Variants in CYTH3 observed in about 807,000 individuals in gnomAD.
The protein encoded by CYTH3 is cytohesin 3.
A neutral mutation model predicts 55.1 loss-of-function variants in CYTH3; 23 were observed. The observed-to-expected ratio is 0.42, with a 90% CI of 0.30 to 0.59. CYTH3 has a LOEUF of 0.59. CYTH3 is among the 20% of genes least tolerant of loss of function. CYTH3 has a pLI of 0.20. For missense variants in CYTH3, 413 were observed against 524.8 expected (o/e 0.79, Z 2.08); for synonymous variants, 249 against 194.9 (o/e 1.28, Z -2.31).
chr7:6,216,557 C>A (rs1023651651), intron 1 of CYTH3, among the ~76,000 whole-genome samples: 1 of 151,458 alleles, frequency 6.6e-6, no homozygotes, highest in Non-Finnish European at 1.5e-5. Flanking sequence ...TTGTCAACAC[C>A]GCAAGACCCC....
intron 1 of CYTH3, among the ~76,000 whole-genome samples, chr7:6,261,586 T>G (rs966424533): frequency 1.3e-4 from 20 of 149,918 alleles, no homozygotes; most frequent in African/African-American, 4.9e-4. Context: ...CATGGTGGCA[T>G]GTGCCTGTAG....
At chr7:6,200,874 G>C (rs1011371713) in intron 1 of CYTH3, among the ~76,000 whole-genome samples, 2 of 152,194 alleles carry the variant, frequency 1.3e-5, no homozygotes, top group African/African-American at 2.4e-5. Flanking sequence ...TCCCGCCTCA[G>C]CCTCCTGAAT....
intron 1 of CYTH3, among the ~76,000 whole-genome samples, chr7:6,215,823 T>G (rs1010077943): frequency 6.6e-6 from 1 of 152,086 alleles, no homozygotes; most frequent in Non-Finnish European, 1.5e-5. Flanking sequence ...ACCTTACCTA[T>G]AGAGGAGAAA....
chr7:6,171,700 T>C lies in CYTH3; in HGVS notation c.450-386A>G. 1 of 250,584 alleles carries C rather than the reference T, an allele frequency of 4.0e-6. No homozygotes were observed. Among genetic ancestry groups the C allele is most frequent in the Non-Finnish European group, 8.2e-6 (1 of 122,430 alleles). The allele number at this position is 250,584 out of a possible 1,614,324, so 15.5% of individuals were successfully genotyped here. A position where few individuals can be genotyped will look rare whatever the true frequency, so the allele number is the denominator to read the frequency against. On this transcript the variant is annotated intron_variant, in intron 6 of 12. Coordinates refer to ENST00000350796, the MANE Select transcript of CYTH3 (RefSeq NM_004227.4). This position sits in a 1 kb window ranked among gnomAD's most constrained non-coding sequence, Gnocchi z 6.7. ...CACCAGCCGGTCCTCCTTTCAGAAC[T>C]CCCACACATAAGGCAGAGCCATAGC...
chr7:6,272,409 C>CGGGGGGGGGGCGCCG, intron 1 of CYTH3, 65 bp downstream of exon 1: 1 of 1,212,390 alleles, frequency 8.2e-7, no homozygotes, highest in Non-Finnish European at 1.1e-6. Flanking sequence ...GCCGCGCCCT[C>CGGGGGGGGGGCGCCG]GACCCCCAGC....
intron 1 of CYTH3, among the ~76,000 whole-genome samples, chr7:6,233,957 C>T (rs987334375): frequency 2.0e-5 from 3 of 152,154 alleles, no homozygotes; most frequent in African/African-American, 4.8e-5. Context: ...GGCAAGGCAG[C>T]TGTCTGAGGC....
intron 5 of CYTH3, among the ~76,000 whole-genome samples, chr7:6,174,358 G>A (rs947946433): frequency 8.7e-5 from 13 of 150,222 alleles, no homozygotes; most frequent in African/African-American, 2.0e-4. Context: ...CAGGTGATCC[G>A]CCCACCTCAG....
chr7:6,191,459 T>C (rs1049018539), intron 1 of CYTH3, among the ~76,000 whole-genome samples: 4 of 152,186 alleles, frequency 2.6e-5, no homozygotes, highest in African/African-American at 9.6e-5. Context: ...AAGCAGATTG[T>C]ATGTTATCAA....
At chr7:6,251,337 T>C (rs192316416) in intron 1 of CYTH3, among the ~76,000 whole-genome samples, 25 of 151,894 alleles carry the variant, frequency 1.6e-4, no homozygotes, top group African/African-American at 6.0e-4. Flanking sequence ...TCTTTTTTTT[T>C]TTTTTCTTTA....
intron 4 of CYTH3, among the ~76,000 whole-genome samples, chr7:6,182,246 C>T (rs982379345): frequency 1.3e-5 from 2 of 152,178 alleles, no homozygotes; most frequent in African/African-American, 2.4e-5. Context: ...GATGGGGTTT[C>T]ACCATGTTAG....
intron 1 of CYTH3, among the ~76,000 whole-genome samples, chr7:6,264,894 C>T (rs559171034): frequency 3.3e-5 from 5 of 152,224 alleles, no homozygotes; most frequent in East Asian, 1.9e-4. Context: ...ATAGGTAAGG[C>T]GTGACATGTG....
In CYTH3 at chr7:6,170,504, A is replaced by G. The variant is rs377052211; in HGVS notation, c.823+31T>C. 33 of 1,602,064 alleles carry G rather than the reference A, an allele frequency of 2.1e-5. No individual in the cohort carries two copies. The African/African-American group carries it at 4.0e-4, about 19-fold the overall frequency. ...GGCTGCTGCCATGGGCAGAGGGGTC[A>G]CGCCCGGGTCCCGCTGGGCCGGCGG... On this transcript the variant is annotated intron_variant, in intron 9 of 12. Coordinates refer to ENST00000350796, the MANE Select transcript of CYTH3 (RefSeq NM_004227.4). The surrounding 1 kb of genome is among the most constrained non-coding windows in gnomAD (Gnocchi z 7.8).
intron 1 of CYTH3, 64 bp downstream of exon 1, chr7:6,272,410 G>GGGGGGGGGGGCCCCCCCCCCCCCCCC: frequency 8.2e-7 from 1 of 1,216,616 alleles, no homozygotes; most frequent in Non-Finnish European, 1.1e-6. Context: ...CCGCGCCCTC[G>GGGGGGGGGGGCCCCCCCCCCCCCCCC]ACCCCCAGCC....
intron 1 of CYTH3, among the ~76,000 whole-genome samples, chr7:6,259,374 T>C (rs1780218891): frequency 6.6e-6 from 1 of 152,202 alleles, no homozygotes; most frequent in Non-Finnish European, 1.5e-5. Context: ...TTCTCTCCTA[T>C]TTGAACAGTG....
At position 6,171,287 on chromosome 7, in the gene CYTH3, G is replaced by A. The variant is rs1373519721; in HGVS notation, c.477C>T (p.Pro159=). Residue 159 remains proline (P), a synonymous_variant, in exon 7 of 13, where the codon CCC becomes CCT. Coordinates refer to ENST00000350796, the MANE Select transcript of CYTH3 (RefSeq NM_004227.4). This position sits in a 1 kb window ranked among gnomAD's most constrained non-coding sequence, Gnocchi z 6.7. The part of the protein sequence containing the change: ...LRQFLWSFRL[P]GEAQKIDRMM... The stretch of plus-strand genomic sequence containing the variant: ...TGCGATCAATCTTCTGCGCCTCCCC[G>A]GGCAGCCTGAAGCTCCATAAGAACT... 7 of 1,614,128 alleles carry A rather than the reference G, an allele frequency of 4.3e-6. 1 individual carries two copies. Among genetic ancestry groups the A allele is most frequent in the African/African-American group, 2.7e-5 (2 of 75,048 alleles).
intron 4 of CYTH3, among the ~76,000 whole-genome samples, chr7:6,178,528 TTCC>T (rs1231838779): frequency 1.3e-5 from 2 of 152,234 alleles, no homozygotes; most frequent in African/African-American, 4.8e-5. Flanking sequence ...AGCACTGCTC[TTCC>T]TCCTCCTTTC....
At chr7:6,220,468 A>G (rs1405871264) in intron 1 of CYTH3, among the ~76,000 whole-genome samples, 1 of 152,018 alleles carries the variant, frequency 6.6e-6, no homozygotes, top group Non-Finnish European at 1.5e-5. Flanking sequence ...CCATAAAAGA[A>G]AAAAATAATA....
At chr7:6,185,533 A>G (rs1016389433) in intron 4 of CYTH3, among the ~76,000 whole-genome samples, 5 of 148,072 alleles carry the variant, frequency 3.4e-5, no homozygotes, top group Admixed American at 3.3e-4. Context: ...CGTCTCTACT[A>G]AAAAAAAATA....
At chr7:6,222,297 C>G (rs767421810) in intron 1 of CYTH3, among the ~76,000 whole-genome samples, 2 of 152,216 alleles carry the variant, frequency 1.3e-5, no homozygotes, top group Non-Finnish European at 2.9e-5. Context: ...AAATGAGCAC[C>G]TGTCGATAAT....
Sources: allele counts gnomAD v4.1 joint callset (sites outside exome capture counted in the v4.1 genomes callset), GRCh38; gene constraint gnomAD v4.1.1; non-coding constraint Gnocchi (gnomAD v3.1); transcripts MANE v1.5; gene names NCBI Gene and HGNC (gene_info 2026-07-23, HGNC 2026-07-21).